Variants in FRRS1 observed in about 807,000 individuals in gnomAD.
FRRS1 encodes the protein ferric reductase 1.
In FRRS1, 51 loss-of-function variants were observed where a neutral mutation model predicts 70.7. That is an observed-to-expected ratio of 0.72 (90% CI 0.58 to 0.91). FRRS1 has a LOEUF of 0.91. Ranked by LOEUF, FRRS1 falls within the 40% of genes least tolerant of loss-of-function variation. The probability of loss-of-function intolerance (pLI) is 0.00; values close to 1 mark genes in which losing one functional copy is unlikely to be tolerated. For synonymous variants in FRRS1, 225 were observed against 238.7 expected (o/e 0.94, Z 0.53); for missense variants, 672 against 726.0 (o/e 0.93, Z 0.86).
At chr1:99,735,277 A>G (rs1272563245) in intron 7 of FRRS1, among the ~76,000 whole-genome samples, 1 of 152,250 alleles carries the variant, frequency 6.6e-6, no homozygotes, top group Non-Finnish European at 1.5e-5. Flanking sequence ...TTGGAAATTC[A>G]GTTAAAATTC....
intron 1 of FRRS1, among the ~76,000 whole-genome samples, chr1:99,762,629 T>C (rs1476030423): frequency 6.6e-6 from 1 of 152,188 alleles, no homozygotes; most frequent in Non-Finnish European, 1.5e-5. Flanking sequence ...TATGGACTTC[T>C]GTTTAGATAA....
intron 1 of FRRS1, among the ~76,000 whole-genome samples, chr1:99,757,627 CT>C (rs977010386): frequency 1.3e-5 from 2 of 152,164 alleles, no homozygotes; most frequent in African/African-American, 4.8e-5. Flanking sequence ...TTGGAAGCTC[CT>C]TTCAGAATTT....
At position 99,717,493 on chromosome 1, in the gene FRRS1, C is replaced by T. The variant is rs752346434; in HGVS notation, c.1153G>A (p.Val385Ile). The T allele has an allele frequency of 1.9e-5, 31 of 1,613,798 alleles. No individual in the cohort carries two copies. The highest frequency in any genetic ancestry group is 2.6e-5 in the Non-Finnish European group (31 of 1,179,826). Residue 385 changes from valine to isoleucine, a missense_variant, in exon 11 of 17, where the codon GTT (valine) becomes ATT (isoleucine). Transcript: ENST00000646001. ...ALMFVAWMTT[V>I]SIGVLVARFF... Reference sequence around the variant, plus strand: ...CGGGCAACCAGTACACCTATGCTAACAGTAGTCATCCATGCCACAAACATT... The same window carrying T: ...CGGGCAACCAGTACACCTATGCTAATAGTAGTCATCCATGCCACAAACATT...
intron 1 of FRRS1, among the ~76,000 whole-genome samples, chr1:99,754,605 T>C (rs1438753704): frequency 6.6e-6 from 1 of 152,170 alleles, no homozygotes; most frequent in Non-Finnish European, 1.5e-5. Context: ...ATATAATGGA[T>C]ATCCATAGAC....
intron 9 of FRRS1, among the ~76,000 whole-genome samples, chr1:99,723,191 G>C (rs944022809): frequency 1.3e-5 from 2 of 152,110 alleles, no homozygotes; most frequent in Non-Finnish European, 2.9e-5. Flanking sequence ...TTCCTGCATA[G>C]ACAGACTCAC....
intron 1 of FRRS1, among the ~76,000 whole-genome samples, chr1:99,758,826 C>T (rs562223024): frequency 6.6e-6 from 1 of 152,074 alleles, no homozygotes; most frequent in Admixed American, 6.6e-5. Context: ...ATATTAATAC[C>T]CTGGGAAAGG....
chr1:99,730,846 A>G (rs376791442), intron 7 of FRRS1, among the ~76,000 whole-genome samples: 108 of 148,746 alleles, frequency 7.3e-4, no homozygotes, highest in African/African-American at 2.0e-3. Context: ...CAGCCTGGGC[A>G]ACAGAGCGAA....
intron 11 of FRRS1, 151 bp from the exon 12 acceptor site, chr1:99,715,823 A>C (rs181269870): frequency 0.015 from 8,180 of 543,060 alleles, 159 homozygotes; most frequent in Non-Finnish European, 0.015. Context: ...AGCCAGGTTA[A>C]GAAAAAAAAA....
chr1:99,744,173 A>G (rs1303820118), intron 4 of FRRS1, among the ~76,000 whole-genome samples: 2 of 152,142 alleles, frequency 1.3e-5, no homozygotes, highest in Non-Finnish European at 2.9e-5. Flanking sequence ...TTTTCATCTC[A>G]TATCGGAAAT....
chr1:99,735,456 G>A lies in FRRS1; in HGVS notation c.759+2630C>T, dbSNP rs547839149. 3.2e-4 allele frequency among the ~76,000 whole-genome samples: 49 copies of A among 152,236 alleles called. No individual in the cohort carries two copies. The East Asian group carries it at 9.3e-3, about 29-fold the overall frequency. The stretch of plus-strand genomic sequence containing the variant: ...GTATTCGTGACATCAGATACCTTCA[G>A]TATTTAAATTTACATTATACACTCC... On this transcript the variant is annotated intron_variant, in intron 7 of 16. Coordinates refer to ENST00000646001, the MANE Select transcript of FRRS1 (RefSeq NM_001361041.2).
At chr1:99,739,644 A>G (rs994047872) in intron 6 of FRRS1, among the ~76,000 whole-genome samples, 1 of 152,258 alleles carries the variant, frequency 6.6e-6, no homozygotes, top group Admixed American at 6.5e-5. Context: ...GGAAAAAGAA[A>G]AGGAACTAAT....
chr1:99,715,103 C>A (rs752600530), intron 12 of FRRS1, among the ~76,000 whole-genome samples: 1 of 151,860 alleles, frequency 6.6e-6, no homozygotes, highest in South Asian at 2.1e-4. Context: ...GCAATCCTCC[C>A]GCCTCAGCCT....
At chr1:99,739,178 A>AAC (rs1655829173) in intron 6 of FRRS1, among the ~76,000 whole-genome samples, 3 of 152,202 alleles carry the variant, frequency 2.0e-5, no homozygotes, top group Admixed American at 6.5e-5. Flanking sequence ...ACCTTCAACT[A>AAC]CACAACAAGA....
rs574929589 is a variant in FRRS1 at position 99,714,988 on chromosome 1, T to C, written c.1323+598A>G. On this transcript the variant is annotated intron_variant, in intron 12 of 16. Transcript: ENST00000646001. The stretch of plus-strand genomic sequence containing the variant: ...TTCTTCATTTGTGACATGGGATTAT[T>C]ATTAATACCTACTATATTTGAGATT... 5.9e-5 allele frequency among the ~76,000 whole-genome samples: 9 copies of C among 152,270 alleles called. No homozygotes were observed. The South Asian group carries it at 1.7e-3, about 28-fold the overall frequency.
chr1:99,710,673 C>G (rs1194638605), intron 15 of FRRS1, 133 bp downstream of exon 15: 12 of 667,818 alleles, frequency 1.8e-5, no homozygotes, highest in Non-Finnish European at 3.0e-5. Flanking sequence ...CAATTTCTAG[C>G]ACTGGCTGAG....
At chr1:99,716,377 T>A (rs1351315252) in intron 11 of FRRS1, among the ~76,000 whole-genome samples, 2 of 152,020 alleles carry the variant, frequency 1.3e-5, no homozygotes, top group Non-Finnish European at 2.9e-5. Flanking sequence ...TTAAAGGCAG[T>A]GGAGGATTTG....
At chr1:99,711,408 G>C (rs1392755571) in intron 14 of FRRS1, 2 of 154,288 alleles carry the variant, frequency 1.3e-5, no homozygotes. Flanking sequence ...ATTAATTCAT[G>C]TAGGATAATC....
chr1:99,736,624 T>G lies in FRRS1; in HGVS notation c.759+1462A>C, dbSNP rs1359036161. Among the ~76,000 whole-genome samples the G allele has an allele frequency of 8.0e-5, 7 of 87,988 alleles. No individual in the cohort carries two copies. In the African/African-American group the frequency reaches 8.1e-4, roughly 10 times the overall value. 57.7% of individuals were successfully genotyped at this position (87,988 alleles called of 152,430 possible). On this transcript the variant is annotated intron_variant, in intron 7 of 16. Transcript: ENST00000646001. ...TCACACTCCGGGGACTGTTGTGGGG[T>G]GGGGAGAGTGGGGAGGGATAGCATT...
rs146752240 is a variant in FRRS1 at position 99,708,905 on chromosome 1, C to T, written c.*123G>A. On this transcript the variant is annotated 3_prime_UTR_variant, in exon 17 of 17. Coordinates refer to ENST00000646001, the MANE Select transcript of FRRS1 (RefSeq NM_001361041.2). ...CTGGACTTCAGAATTCCTCTACAGA[C>T]ATGACCCCAGTCTTCCAAGTGAGAA... is the stretch of plus-strand genomic sequence containing the variant. The T allele has an allele frequency of 5.6e-6, 9 of 1,611,702 alleles. No homozygotes were observed. Among genetic ancestry groups the T allele is most frequent in the Non-Finnish European group, 7.6e-6 (9 of 1,177,970 alleles).
Sources: gnomAD v4.1 joint callset for allele counts (sites outside exome capture counted in the v4.1 genomes callset) on GRCh38, gnomAD v4.1.1 for gene constraint, MANE v1.5 for transcripts, NCBI Gene and HGNC (gene_info 2026-07-23, HGNC 2026-07-21) for gene names.